Variants in KLC1 observed in about 807,000 individuals in gnomAD.
KLC1 encodes kinesin 2 60/70kDa.
In KLC1, 30 loss-of-function variants were observed where a neutral mutation model predicts 84.2. The observed-to-expected ratio is 0.36, with a 90% CI of 0.27 to 0.48. The LOEUF is 0.48. Ranked by LOEUF, KLC1 falls within the 20% of genes least tolerant of loss-of-function variation. KLC1 has a pLI of 0.99. For missense variants in KLC1, 499 were observed against 805.4 expected, an observed-to-expected ratio of 0.62 and a Z score of 4.60; for synonymous variants, 289 against 293.3, an observed-to-expected ratio of 0.99 and a Z score of 0.15.
Position 103,701,314 on chromosome 14 carries a change from AT to A in KLC1, c.*118del. 8.8e-7 allele frequency: 1 copy of A among 1,134,416 alleles called. No individual in the cohort carries two copies. Among genetic ancestry groups the A allele is most frequent in the Non-Finnish European group, 1.3e-6 (1 of 787,280 alleles). 70.3% of individuals were successfully genotyped at this position (1,134,416 alleles called of 1,614,324 possible). A position where few individuals can be genotyped will look rare whatever the true frequency, so the allele number is the denominator to read the frequency against. On this transcript the variant is annotated 3_prime_UTR_variant, in exon 17 of 17. Transcript: ENST00000334553. Reference sequence around the variant, plus strand: ...TGGCCGGGAGCCGCAGCGCTCACTCATTTCTCCTGCGTCTGTGTGCATAGGA... The same window carrying A: ...TGGCCGGGAGCCGCAGCGCTCACTCATTCTCCTGCGTCTGTGTGCATAGGA...
chr14:103,685,048 C>G lies in KLC1; in HGVS notation c.1651-2033C>G, dbSNP rs369284885. 10 of 1,543,170 alleles carry G rather than the reference C, an allele frequency of 6.5e-6. No homozygotes were observed. In the African/African-American group the frequency reaches 9.6e-5, roughly 15 times the overall value. The stretch of plus-strand genomic sequence containing the variant: ...CTCAGCGTCCCATGGTGAGTCCGAG[C>G]GGGCGGGGCGCAGGCCCTGCCGTCT... On this transcript the variant is annotated intron_variant, in intron 13 of 16. Coordinates refer to ENST00000334553, the MANE Select transcript of KLC1 (RefSeq NM_001394837.1).
intron 15 of KLC1, chr14:103,698,767 C>T (rs2082796897): frequency 1.3e-6 from 2 of 1,562,770 alleles, no homozygotes; most frequent in East Asian, 4.7e-5. Context: ...CGGGGCTTCT[C>T]AGGCAGGGCT....
Position 103,694,388 on chromosome 14 carries a change from A to G in KLC1, c.1848+1963A>G. On this transcript the variant is annotated intron_variant, in intron 15 of 16. Coordinates refer to ENST00000334553, the MANE Select transcript of KLC1 (RefSeq NM_001394837.1). The surrounding 1 kb of genome is among the most constrained non-coding windows in gnomAD (Gnocchi z 4.5). Reference sequence around the variant, plus strand: ...TGCCTCAGCCTCCCGAGTAGCTGGGACTACAGGCACCCGCCAGGCGGATCA... The same window carrying G: ...TGCCTCAGCCTCCCGAGTAGCTGGGGCTACAGGCACCCGCCAGGCGGATCA... 1.0e-6 allele frequency: 1 copy of G among 955,254 alleles called. No individual in the cohort carries two copies. The highest frequency in any genetic ancestry group is 1.2e-6 in the Non-Finnish European group (1 of 802,904). 59.2% of individuals were successfully genotyped at this position (955,254 alleles called of 1,614,324 possible). A position where few individuals can be genotyped will look rare whatever the true frequency, so the allele number is the denominator to read the frequency against.
intron 2 of KLC1, among the ~76,000 whole-genome samples, chr14:103,656,941 C>G (rs905295044): frequency 6.6e-6 from 1 of 152,186 alleles, no homozygotes; most frequent in Admixed American, 6.5e-5. Flanking sequence ...TCACGCTGGT[C>G]TGTTCCAGAA....
intron 11 of KLC1, 90 bp from the exon 12 acceptor site, chr14:103,677,325 A>T: frequency 1.3e-6 from 1 of 786,306 alleles, no homozygotes; most frequent in Non-Finnish European, 2.2e-6. Context: ...CCAAAACAGA[A>T]GTCTGTTAGT....
chr14:103,698,457 G>A, intron 15 of KLC1: 6 of 369,796 alleles, frequency 1.6e-5, no homozygotes, highest in South Asian at 1.4e-4. Flanking sequence ...GCTTCCATGT[G>A]GAGAGAAGAA....
In KLC1 at chr14:103,659,736, A is replaced by G. The variant is rs1194236460; in HGVS notation, c.492+1960A>G. On this transcript the variant is annotated intron_variant, in intron 3 of 16. Transcript: ENST00000334553. ...AAACAGTTTTTTGCGTAGCACCAGC[A>G]AACCTGCATTTCCCCTCTGTCTTCA... Among the ~76,000 whole-genome samples the G allele has an allele frequency of 2.6e-5, 4 of 152,150 alleles. No individual in the cohort carries two copies. In the East Asian group the frequency reaches 7.7e-4, roughly 29 times the overall value.
intron 1 of KLC1, among the ~76,000 whole-genome samples, chr14:103,635,829 G>A (rs1040331548): frequency 4.6e-5 from 7 of 151,960 alleles, no homozygotes; most frequent in Admixed American, 2.0e-4. Flanking sequence ...TGAGAGAGGG[G>A]AAGTTTCAGA....
At position 103,673,493 on chromosome 14, in the gene KLC1, A is replaced by T. The variant is rs1258139745; in HGVS notation, c.1261+62A>T. 11 of 985,924 alleles carry T rather than the reference A, an allele frequency of 1.1e-5. No homozygotes were observed. In the Admixed American group the frequency reaches 2.6e-4, roughly 24 times the overall value. The allele number at this position is 985,924 out of a possible 1,614,324, so 61.1% of individuals were successfully genotyped here. A position where few individuals can be genotyped will look rare whatever the true frequency, so the allele number is the denominator to read the frequency against. On this transcript the variant is annotated intron_variant, in intron 9 of 16. Coordinates refer to ENST00000334553, the MANE Select transcript of KLC1 (RefSeq NM_001394837.1). ...GTATAATGACTTGACTAATAGTAAT[A>T]TACTAATAGTATTAGTTACTGTTTA...
At chr14:103,640,413 T>G (rs545766503) in intron 1 of KLC1, among the ~76,000 whole-genome samples, 31 of 151,702 alleles carry the variant, frequency 2.0e-4, no homozygotes, top group African/African-American at 7.0e-4. Flanking sequence ...CAGGCTGGAG[T>G]GCAGTGGCGC....
Position 103,694,763 on chromosome 14 carries a change from T to G in KLC1, c.1848+2338T>G. ...GTGGTGGCACAGCAGAGGCTCACAC[T>G]TGTCACCTTCAGCCTCTAGAAGCTC... On this transcript the variant is annotated intron_variant, in intron 15 of 16. Transcript: ENST00000334553. This position sits in a 1 kb window ranked among gnomAD's most constrained non-coding sequence, Gnocchi z 4.5. 1.0e-6 allele frequency: 1 copy of G among 985,492 alleles called. No individual in the cohort carries two copies. The allele number at this position is 985,492 out of a possible 1,614,324, so 61.0% of individuals were successfully genotyped here.
chr14:103,659,002 A>G (rs1201837399), intron 3 of KLC1, among the ~76,000 whole-genome samples: 1 of 136,676 alleles, frequency 7.3e-6, no homozygotes, highest in Non-Finnish European at 1.6e-5. Flanking sequence ...TTTGAGACGA[A>G]GTCTCGCTTT....
chr14:103,641,794 G>C (rs913459111), intron 1 of KLC1, among the ~76,000 whole-genome samples: 1 of 151,930 alleles, frequency 6.6e-6, no homozygotes, highest in Non-Finnish European at 1.5e-5. Flanking sequence ...GATAATTTTT[G>C]TATTTTTTGT....
intron 1 of KLC1, 135 bp from the exon 2 acceptor site, chr14:103,654,429 A>C (rs997003489): frequency 2.6e-4 from 162 of 625,190 alleles, no homozygotes; most frequent in Non-Finnish European, 3.6e-4. Flanking sequence ...TGGTATTTCA[A>C]GGTCATAAAT....
At chr14:103,679,304 T>TTTTTG in intron 12 of KLC1, 80 bp from the exon 13 acceptor site, 5 of 1,501,472 alleles carry the variant, frequency 3.3e-6, no homozygotes, top group South Asian at 1.3e-5. Context: ...TTTTTTTTTT[T>TTTTTG]CTAGCGAAGT....
intron 1 of KLC1, among the ~76,000 whole-genome samples, 199 bp downstream of exon 1, chr14:103,629,693 C>T (rs1423809472): frequency 6.7e-6 from 1 of 149,474 alleles, no homozygotes; most frequent in Non-Finnish European, 1.5e-5. Context: ...GCGACCCCTT[C>T]CAGGTTCAGG....
intron 15 of KLC1, chr14:103,699,313 A>T (rs1393266423): frequency 1.3e-6 from 2 of 1,555,094 alleles, no homozygotes; most frequent in Non-Finnish European, 1.7e-6. Context: ...CTGCTTCCGC[A>T]TCCTGGCTAA....
intron 13 of KLC1, chr14:103,684,873 G>C (rs1567037329): frequency 1.4e-6 from 1 of 701,832 alleles, no homozygotes. Flanking sequence ...TGTTAATGAC[G>C]ATACGTTAGC....
chr14:103,631,257 T>A (rs970308552), intron 1 of KLC1, among the ~76,000 whole-genome samples: 2 of 152,082 alleles, frequency 1.3e-5, no homozygotes, highest in Non-Finnish European at 2.9e-5. Context: ...ATTTTTTGTA[T>A]TTTTAGTAGA....
Sources: gnomAD v4.1 joint callset for allele counts (sites outside exome capture counted in the v4.1 genomes callset) on GRCh38, gnomAD v4.1.1 for gene constraint, Gnocchi (gnomAD v3.1) non-coding constraint, MANE v1.5 for transcripts, NCBI Gene and HGNC (gene_info 2026-07-23, HGNC 2026-07-21) for gene names.